CALN1: variants seen among roughly 807,000 people sequenced by gnomAD.
The protein encoded by CALN1 is calneuron 1.
A neutral mutation model predicts 30.6 loss-of-function variants in CALN1; 17 were observed. That is an observed-to-expected ratio of 0.56 (90% CI 0.38 to 0.83). The LOEUF (loss-of-function observed/expected upper bound fraction) is 0.83, where lower values mean the gene tolerates loss of function less well. CALN1 is among the 40% of genes least tolerant of loss of function. The pLI is 0.00. For missense variants in CALN1, 291 were observed against 354.9 expected, an observed-to-expected ratio of 0.82 and a Z score of 1.45; for synonymous variants, 156 against 131.4, an observed-to-expected ratio of 1.19 and a Z score of -1.28.
intron 5 of CALN1, among the ~76,000 whole-genome samples, chr7:71,923,897 G>A (rs989556915): frequency 7.9e-5 from 12 of 152,170 alleles, no homozygotes; most frequent in African/African-American, 2.6e-4. Context: ...TGCAGTCCAA[G>A]ATTAGGATTT....
At chr7:72,102,927 G>T (rs780164910) in intron 4 of CALN1, among the ~76,000 whole-genome samples, 1 of 152,034 alleles carries the variant, frequency 6.6e-6, no homozygotes, top group Non-Finnish European at 1.5e-5. Context: ...ATGAAAATTA[G>T]CTGGGCATGG....
At chr7:72,498,053 A>T in the CALN1 span, among the ~76,000 whole-genome samples, 1 of 152,190 alleles carries the variant, frequency 6.6e-6, no homozygotes, top group Non-Finnish European at 1.5e-5. Context: ...CCATTACACA[A>T]GATTTGTAGA....
At chr7:72,364,506 G>C (rs779721393) in intron 2 of CALN1, among the ~76,000 whole-genome samples, 1 of 152,128 alleles carries the variant, frequency 6.6e-6, no homozygotes, top group African/African-American at 2.4e-5. Context: ...ATAAGGAAAG[G>C]AGTTTTGTGT....
intron 3 of CALN1, among the ~76,000 whole-genome samples, chr7:72,182,736 G>GAAA (rs11388147): frequency 3.6e-5 from 5 of 140,086 alleles, no homozygotes; most frequent in Non-Finnish European, 3.0e-5. Flanking sequence ...AACAAAAAAT[G>GAAA]AAAAAAAAAT....
intron 5 of CALN1, among the ~76,000 whole-genome samples, chr7:71,924,050 A>G (rs943628878): frequency 1.3e-5 from 2 of 152,056 alleles, no homozygotes; most frequent in African/African-American, 4.8e-5. Context: ...AAAATTAGCC[A>G]GGCATGGTGG....
At chr7:71,801,440 C>G (rs200795921) in intron 6 of CALN1, among the ~76,000 whole-genome samples, 76 of 149,668 alleles carry the variant, frequency 5.1e-4, no homozygotes, top group South Asian at 3.6e-3. Context: ...ATCTATCTAT[C>G]TATCTATCTA....
intron 3 of CALN1, among the ~76,000 whole-genome samples, chr7:72,169,108 A>T (rs965641833): frequency 6.5e-5 from 9 of 137,864 alleles, no homozygotes; most frequent in Non-Finnish European, 1.2e-4. Context: ...ATCTAGCCCT[A>T]TTTATTTCTT....
chr7:72,260,413 A>C (rs1471888800), intron 3 of CALN1, among the ~76,000 whole-genome samples: 1 of 152,156 alleles, frequency 6.6e-6, no homozygotes, highest in African/African-American at 2.4e-5. Flanking sequence ...CAATATTGTT[A>C]AGCTCCACGG....
intron 2 of CALN1, among the ~76,000 whole-genome samples, chr7:72,309,412 C>T (rs989744563): frequency 1.3e-5 from 2 of 152,126 alleles, no homozygotes; most frequent in African/African-American, 4.8e-5. Flanking sequence ...GGAATGGACC[C>T]CTCTCTTCTG....
At chr7:72,134,550 G>C (rs1425501035) in intron 3 of CALN1, among the ~76,000 whole-genome samples, 2 of 152,180 alleles carry the variant, frequency 1.3e-5, no homozygotes, top group African/African-American at 4.8e-5. Flanking sequence ...TCTATTAAGT[G>C]TGCAGTAGCA....
At chr7:72,247,223 CTTTCTTTTTTTTTTTTTTTTTTTTTTT>C (rs1233996170) in intron 3 of CALN1, among the ~76,000 whole-genome samples, 2 of 43,490 alleles carry the variant, frequency 4.6e-5, no homozygotes, top group African/African-American at 1.2e-4. Context: ...AGACCATTTT[CTTTCTTTTTTTTTTTTTTTTTTTTTTT>C]TTTTTTTTTT....
At chr7:72,168,421 G>A (rs1788683814) in intron 3 of CALN1, among the ~76,000 whole-genome samples, 1 of 152,082 alleles carries the variant, frequency 6.6e-6, no homozygotes, top group South Asian at 2.1e-4. Context: ...ATTTATGTTT[G>A]GCATCAGTAG....
At chr7:72,314,517 G>A (rs1047672597) in intron 2 of CALN1, among the ~76,000 whole-genome samples, 6 of 150,820 alleles carry the variant, frequency 4.0e-5, no homozygotes, top group African/African-American at 7.3e-5. Context: ...TCTGCCTCCC[G>A]AGTTCAAGTG....
At chr7:72,205,586 A>ATATATATATT (rs1791815473) in intron 3 of CALN1, among the ~76,000 whole-genome samples, 1 of 134,170 alleles carries the variant, frequency 7.5e-6, no homozygotes, top group African/African-American at 2.8e-5. Context: ...ATATATATAT[A>ATATATATATT]TTCAGGAGAA....
intron 3 of CALN1, among the ~76,000 whole-genome samples, chr7:72,125,287 T>C (rs1808667785): frequency 6.6e-6 from 1 of 152,168 alleles, no homozygotes; most frequent in African/African-American, 2.4e-5. Context: ...AATGCTGGGA[T>C]TACAGGCGTG....
At chr7:72,263,030 T>C (rs1051636630) in intron 3 of CALN1, among the ~76,000 whole-genome samples, 8 of 152,210 alleles carry the variant, frequency 5.3e-5, no homozygotes, top group Non-Finnish European at 7.3e-5. Context: ...GGCAGAACAA[T>C]TGCATTGGAC....
rs535222908 is a variant in CALN1 at position 71,954,097 on chromosome 7, G to A, written c.501+69560C>T. ...CCAGCACTTTGGGAGGCTGAGGCAGGAGGATTGCTTGAGGCTAGGAATTTG... is the reference window on the plus strand; with the variant it reads ...CCAGCACTTTGGGAGGCTGAGGCAGAAGGATTGCTTGAGGCTAGGAATTTG... On this transcript the variant is annotated intron_variant, in intron 5 of 6. Transcript: ENST00000395275. Among the ~76,000 whole-genome samples, 695 of 152,310 alleles carry A rather than the reference G, an allele frequency of 4.6e-3. 5 individuals carry two copies. Among genetic ancestry groups the A allele is most frequent in the Middle Eastern group, 0.02 (6 of 294 alleles).
intron 5 of CALN1, among the ~76,000 whole-genome samples, chr7:71,906,822 C>A (rs1454163020): frequency 6.6e-6 from 1 of 152,232 alleles, no homozygotes; most frequent in Non-Finnish European, 1.5e-5. Flanking sequence ...GTAAGACTGG[C>A]AGCAGCCAAG....
chr7:72,337,145 T>G (rs1484778502), intron 2 of CALN1: 7 of 985,702 alleles, frequency 7.1e-6, no homozygotes, highest in Non-Finnish European at 8.4e-6. Flanking sequence ...CCGCTGGAGT[T>G]GCGCGCCCTA....
Sources: gnomAD v4.1 joint callset for allele counts (sites outside exome capture counted in the v4.1 genomes callset) on GRCh38, gnomAD v4.1.1 for gene constraint, MANE v1.5 for transcripts, NCBI Gene and HGNC (gene_info 2026-07-23, HGNC 2026-07-21) for gene names.